The following FGF14 variants were observed in gnomAD, a reference collection of about 807,000 sequenced individuals.
FGF14 encodes fibroblast growth factor 14.
Under a neutral mutation model 25.5 loss-of-function variants are expected in FGF14, and 5 were observed. The observed-to-expected ratio is 0.20, with a 90% CI of 0.10 to 0.41. The LOEUF (loss-of-function observed/expected upper bound fraction) is 0.41, where lower values mean the gene tolerates loss of function less well. FGF14 is among the 10% of genes least tolerant of loss of function. FGF14 has a pLI of 1.00. For missense variants in FGF14, 222 were observed against 320.1 expected, an observed-to-expected ratio of 0.69 and a Z score of 2.34; for synonymous variants, 138 against 118.3, an observed-to-expected ratio of 1.17 and a Z score of -1.08.
chr13:101,854,406 G>A (rs2044018744), intron 3 of FGF14, among the ~76,000 whole-genome samples: 1 of 152,018 alleles, frequency 6.6e-6, no homozygotes, highest in African/African-American at 2.4e-5. Flanking sequence ...GTCAGAGAGA[G>A]GAGAATACTG....
chr13:102,326,775 A>G (rs1029288375), intron 1 of FGF14, among the ~76,000 whole-genome samples: 2 of 135,132 alleles, frequency 1.5e-5, no homozygotes, highest in South Asian at 2.3e-4. Flanking sequence ...AGGAAGGAAG[A>G]AAAAAAAGGA....
chr13:101,765,718 T>TTATTATTTTA (rs1555377152), intron 3 of FGF14, among the ~76,000 whole-genome samples: 24 of 143,388 alleles, frequency 1.7e-4, no homozygotes, highest in African/African-American at 6.0e-4. Flanking sequence ...ATTATTATTA[T>TTATTATTTTA]TTTATTTATT....
chr13:102,375,076 A>G (rs1200884248), intron 1 of FGF14, among the ~76,000 whole-genome samples: 1 of 152,148 alleles, frequency 6.6e-6, no homozygotes, highest in Non-Finnish European at 1.5e-5. Flanking sequence ...AACTAGTTAA[A>G]GGGAGACTTT....
intron 1 of FGF14, among the ~76,000 whole-genome samples, chr13:102,050,332 G>A (rs1254685299): frequency 6.6e-6 from 1 of 152,064 alleles, no homozygotes; most frequent in Non-Finnish European, 1.5e-5. Context: ...GCTCTTATAA[G>A]CAAAGAAACA....
chr13:101,971,068 G>A lies in FGF14; in HGVS notation c.209-95772C>T, dbSNP rs370739372. ...AGTTATCAAGTTTATTACAGAGATC[G>A]AACCTTCAGAGGATGGGTGGAAAGT... On this transcript the variant is annotated intron_variant, in intron 1 of 4. Transcript: ENST00000376131. Among the ~76,000 whole-genome samples, 11 of 152,194 alleles carry A rather than the reference G, an allele frequency of 7.2e-5. No individual in the cohort carries two copies. The South Asian group carries it at 1.7e-3, about 23-fold the overall frequency.
chr13:101,783,198 G>A lies in FGF14; in HGVS notation c.409-56388C>T, dbSNP rs9585779. ...TTCTTTTTAAAAGTGTTGGCCGGGC[G>A]CGGTGGCTCAAGCCTGTAATCCTAG... On this transcript the variant is annotated intron_variant, in intron 3 of 4. Transcript: ENST00000376143. 9.2e-3 allele frequency among the ~76,000 whole-genome samples: 1,401 copies of A among 152,086 alleles called. 23 individuals are homozygous for A. The highest frequency in any genetic ancestry group is 0.032 in the African/African-American group (1,340 of 41,484).
chr13:102,191,117 C>T (rs1487008152), intron 1 of FGF14, among the ~76,000 whole-genome samples: 3 of 152,200 alleles, frequency 2.0e-5, no homozygotes, highest in Non-Finnish European at 4.4e-5. Flanking sequence ...CTTGTCTTTA[C>T]TTGACCGGAC....
chr13:102,164,893 T>C (rs2047931999), intron 1 of FGF14, among the ~76,000 whole-genome samples: 1 of 152,138 alleles, frequency 6.6e-6, no homozygotes, highest in African/African-American at 2.4e-5. Flanking sequence ...TACTTAAAAG[T>C]TCAAAAGTTA....
At chr13:101,865,748 T>C (rs1284437994) in intron 3 of FGF14, among the ~76,000 whole-genome samples, 1 of 152,266 alleles carries the variant, frequency 6.6e-6, no homozygotes, top group African/African-American at 2.4e-5. Context: ...CGTTGTGATA[T>C]TCGTTTACCA....
At chr13:101,911,511 A>G (rs908946128) in intron 1 of FGF14, among the ~76,000 whole-genome samples, 4 of 152,172 alleles carry the variant, frequency 2.6e-5, no homozygotes, top group Admixed American at 6.5e-5. Context: ...TGAGGTATTA[A>G]ACATTTTCAG....
chr13:102,321,856 C>T (rs1238450458), intron 1 of FGF14, among the ~76,000 whole-genome samples: 6 of 152,190 alleles, frequency 3.9e-5, no homozygotes. Context: ...TTAGCACCCC[C>T]TGCCAATGTC....
At chr13:101,738,913 G>GTA (rs982198454) in intron 3 of FGF14, among the ~76,000 whole-genome samples, 39 of 139,578 alleles carry the variant, frequency 2.8e-4, no homozygotes, top group Non-Finnish European at 3.1e-4. Context: ...ATACCAATTG[G>GTA]TATATATATA....
At chr13:102,310,878 G>A (rs746098428) in intron 1 of FGF14, among the ~76,000 whole-genome samples, 5 of 151,994 alleles carry the variant, frequency 3.3e-5, no homozygotes, top group Non-Finnish European at 7.4e-5. Context: ...CTCCCTTGGG[G>A]GTGGGAAGTC....
At chr13:102,224,627 T>C (rs2050755117) in intron 1 of FGF14, among the ~76,000 whole-genome samples, 1 of 152,214 alleles carries the variant, frequency 6.6e-6, no homozygotes, top group Non-Finnish European at 1.5e-5. Flanking sequence ...TTCTAGATGG[T>C]AACTTGTGTC....
chr13:102,131,172 C>A (rs560366745), intron 1 of FGF14, among the ~76,000 whole-genome samples: 1 of 152,222 alleles, frequency 6.6e-6, no homozygotes, highest in African/African-American at 2.4e-5. Context: ...AAGCAGCAGG[C>A]AATGAAGGCT....
chr13:101,826,880 A>T (rs2140262813), intron 3 of FGF14, among the ~76,000 whole-genome samples: 1 of 152,104 alleles, frequency 6.6e-6, no homozygotes, highest in South Asian at 2.1e-4. Flanking sequence ...TCTGACATGT[A>T]GGACTTCAAA....
intron 1 of FGF14, among the ~76,000 whole-genome samples, chr13:102,054,681 A>C (rs577829056): frequency 6.6e-6 from 1 of 152,154 alleles, no homozygotes; most frequent in East Asian, 1.9e-4. Context: ...TCTACTATAC[A>C]TCGCATCTGG....
chr13:102,149,652 CTGAT>C (rs1208890333), intron 1 of FGF14, among the ~76,000 whole-genome samples: 1 of 152,170 alleles, frequency 6.6e-6, no homozygotes, highest in Non-Finnish European at 1.5e-5. Flanking sequence ...TTCCACTTGA[CTGAT>C]TGGTGGGGAG....
intron 1 of FGF14, among the ~76,000 whole-genome samples, chr13:102,203,772 A>G (rs1389568068): frequency 1.3e-5 from 2 of 152,170 alleles, no homozygotes; most frequent in Non-Finnish European, 2.9e-5. Flanking sequence ...TTTTCTTCCA[A>G]TTAACACAGG....
Sources: gnomAD v4.1 joint callset for allele counts (sites outside exome capture counted in the v4.1 genomes callset) on GRCh38, gnomAD v4.1.1 for gene constraint, MANE v1.5 for transcripts, NCBI Gene and HGNC (gene_info 2026-07-23, HGNC 2026-07-21) for gene names.